TENM4: variants seen among roughly 807,000 people sequenced by gnomAD.
The protein encoded by TENM4 is teneurin-4.
In TENM4, 82 loss-of-function variants were observed where a neutral mutation model predicts 243.3. That is an observed-to-expected ratio of 0.34 (90% CI 0.28 to 0.40). The LOEUF (loss-of-function observed/expected upper bound fraction) is 0.40, where lower values mean the gene tolerates loss of function less well. Among genes scored for constraint, TENM4 ranks in the 10% least tolerant of loss-of-function variants. The probability of loss-of-function intolerance (pLI) is 1.00; values close to 1 mark genes in which losing one functional copy is unlikely to be tolerated. For missense variants in TENM4, 3,138 were observed against 3,673.3 expected (o/e 0.85, Z 3.77); for synonymous variants, 1,412 against 1,456.3 (o/e 0.97, Z 0.69).
intron 6 of TENM4, among the ~76,000 whole-genome samples, chr11:78,979,462 T>C (rs1332420037): frequency 6.6e-6 from 1 of 152,206 alleles, no homozygotes; most frequent in Admixed American, 6.5e-5. Flanking sequence ...AAGGGAAATT[T>C]AAACAGAAGC....
chr11:79,196,751 C>A (rs995939674), intron 3 of TENM4, among the ~76,000 whole-genome samples: 1 of 152,184 alleles, frequency 6.6e-6, no homozygotes, highest in Non-Finnish European at 1.5e-5. Flanking sequence ...GCTCATCAAA[C>A]AGAACATTCT....
At chr11:78,813,242 A>T (rs1857536142) in intron 13 of TENM4, among the ~76,000 whole-genome samples, 1 of 152,124 alleles carries the variant, frequency 6.6e-6, no homozygotes. Flanking sequence ...TAGTTCACGC[A>T]GCCTGGAAAA....
intron 1 of TENM4, among the ~76,000 whole-genome samples, chr11:79,384,273 G>A (rs933430385): frequency 6.6e-6 from 1 of 152,200 alleles, no homozygotes; most frequent in African/African-American, 2.4e-5. Context: ...GAGTAACATT[G>A]ATAGTAATAA....
At chr11:79,424,655 G>T (rs1859010156) in intron 1 of TENM4, among the ~76,000 whole-genome samples, 1 of 150,850 alleles carries the variant, frequency 6.6e-6, no homozygotes, top group South Asian at 2.1e-4. Context: ...ATACAAAAAG[G>T]CTGGCACAGA....
intron 6 of TENM4, among the ~76,000 whole-genome samples, chr11:79,031,789 T>C (rs992169641): frequency 6.6e-6 from 1 of 152,204 alleles, no homozygotes; most frequent in Non-Finnish European, 1.5e-5. Flanking sequence ...TCTACTTTCA[T>C]GCTAGGGCAT....
At chr11:79,052,374 T>A (rs1050368478) in intron 6 of TENM4, among the ~76,000 whole-genome samples, 1 of 152,204 alleles carries the variant, frequency 6.6e-6, no homozygotes, top group African/African-American at 2.4e-5. Context: ...TGATGATCAG[T>A]GATGGTGAGC....
At chr11:78,740,702 C>T (rs1855910512) in intron 19 of TENM4, among the ~76,000 whole-genome samples, 1 of 152,242 alleles carries the variant, frequency 6.6e-6, no homozygotes, top group South Asian at 2.1e-4. Flanking sequence ...AGCCAGCCTT[C>T]TCCAGACATA....
At chr11:78,768,585 C>T (rs1159521865) in intron 18 of TENM4, among the ~76,000 whole-genome samples, 1 of 152,212 alleles carries the variant, frequency 6.6e-6, no homozygotes, top group Non-Finnish European at 1.5e-5. Context: ...GGCCTGATAA[C>T]AATGTAGACA....
At chr11:79,430,327 A>G (rs999317812) in intron 1 of TENM4, among the ~76,000 whole-genome samples, 4 of 152,254 alleles carry the variant, frequency 2.6e-5, no homozygotes, top group African/African-American at 9.6e-5. Flanking sequence ...ACCAATAAGC[A>G]AAATACAATG....
intron 6 of TENM4, among the ~76,000 whole-genome samples, chr11:79,004,709 AC>A (rs1345892108): frequency 6.6e-6 from 1 of 152,154 alleles, no homozygotes; most frequent in African/African-American, 2.4e-5. Context: ...ACAAGAGCAA[AC>A]CAACTCCAAA....
At chr11:78,816,579 A>C (rs1857608936) in intron 12 of TENM4, among the ~76,000 whole-genome samples, 1 of 152,252 alleles carries the variant, frequency 6.6e-6, no homozygotes, top group Non-Finnish European at 1.5e-5. Flanking sequence ...AGAGACATCC[A>C]GCCCAATGAT....
chr11:78,830,654 C>T (rs1857959957), intron 12 of TENM4, among the ~76,000 whole-genome samples: 1 of 152,220 alleles, frequency 6.6e-6, no homozygotes, highest in Non-Finnish European at 1.5e-5. Context: ...GGCTACGACT[C>T]TCCGAAGGCT....
At chr11:79,310,726 A>G (rs1377480323) in intron 1 of TENM4, among the ~76,000 whole-genome samples, 1 of 152,012 alleles carries the variant, frequency 6.6e-6, no homozygotes, top group Non-Finnish European at 1.5e-5. Flanking sequence ...GGAATAAATT[A>G]TTTCCCCATC....
chr11:79,022,003 C>T (rs767163943), intron 6 of TENM4, among the ~76,000 whole-genome samples: 76 of 152,244 alleles, frequency 5.0e-4, no homozygotes, highest in Middle Eastern at 3.4e-3. Context: ...TTGGCTCAAT[C>T]GTGCTGTCTC....
At chr11:79,142,759 A>G (rs1261533343) in intron 4 of TENM4, among the ~76,000 whole-genome samples, 2 of 152,182 alleles carry the variant, frequency 1.3e-5, no homozygotes, top group African/African-American at 4.8e-5. Context: ...TAACCAAAAC[A>G]GCATGGTACT....
At chr11:78,866,466 A>G (rs1209290153) in intron 9 of TENM4, among the ~76,000 whole-genome samples, 1 of 152,010 alleles carries the variant, frequency 6.6e-6, no homozygotes, top group East Asian at 1.9e-4. Flanking sequence ...CTTAAAAAAA[A>G]AAAAAAAAAA....
intron 28 of TENM4, 54 bp downstream of exon 28, chr11:78,701,472 C>T: frequency 2.0e-6 from 3 of 1,506,572 alleles, no homozygotes; most frequent in Non-Finnish European, 2.7e-6. Context: ...TACCTCCAAT[C>T]CTACAATGAA....
intron 6 of TENM4, among the ~76,000 whole-genome samples, chr11:78,952,463 G>A (rs576020092): frequency 6.6e-6 from 1 of 152,342 alleles, no homozygotes; most frequent in South Asian, 2.1e-4. Flanking sequence ...CAACGTGAGG[G>A]ATGGATTAAA....
At chr11:79,072,392 C>T (rs1009166582) in intron 4 of TENM4, among the ~76,000 whole-genome samples, 9 of 151,438 alleles carry the variant, frequency 5.9e-5, no homozygotes, top group Non-Finnish European at 7.4e-5. Flanking sequence ...GAGGCTGAAA[C>T]GGGAGGATAG....
Sources: gnomAD v4.1 joint callset for allele counts (sites outside exome capture counted in the v4.1 genomes callset) on GRCh38, gnomAD v4.1.1 for gene constraint, MANE v1.5 for transcripts, NCBI Gene and HGNC (gene_info 2026-07-23, HGNC 2026-07-21) for gene names.